Variants in BORA observed in about 807,000 individuals in gnomAD.
BORA encodes the protein BORA aurora kinase A activator, also known as protein aurora borealis.
A neutral mutation model predicts 55.8 loss-of-function variants in BORA; 26 were observed. The ratio of observed to expected loss-of-function variants is 0.47; its 90% confidence interval spans 0.34 to 0.65. The LOEUF (loss-of-function observed/expected upper bound fraction) is 0.65. BORA is among the 30% of genes least tolerant of loss of function. The pLI is 0.01. For missense variants in BORA, 568 were observed against 671.5 expected (o/e 0.85, Z 1.70); for synonymous variants, 201 against 216.9 (o/e 0.93, Z 0.64).
chr13:72,755,095 C>A, intron 11 of BORA, 56 bp from the exon 12 acceptor site: 1 of 1,455,674 alleles, frequency 6.9e-7, no homozygotes, highest in Non-Finnish European at 9.6e-7. Flanking sequence ...CCGATAATTG[C>A]ATCCTCCAGT....
At chr13:72,744,675 T>C (rs2033105872) in intron 7 of BORA, 114 bp downstream of exon 7, 1 of 778,776 alleles carries the variant, frequency 1.3e-6, no homozygotes, top group South Asian at 1.8e-5. Context: ...TCTAAAGAAG[T>C]GGGGAAACTG....
chr13:72,748,742 CTCTCTCTCTCTCTCTCTT>C (rs1005923038), intron 10 of BORA, among the ~76,000 whole-genome samples: 24 of 41,394 alleles, frequency 5.8e-4, no homozygotes, highest in Admixed American at 3.1e-3. Flanking sequence ...CTCTCTCTCT[CTCTCTCTCTCTCTCTCTT>C]TTTTATATAG....
Position 72,746,873 on chromosome 13 carries a change from A to G in BORA, c.1244A>G (p.Glu415Gly), listed in dbSNP as rs745647909. The change falls in exon 10 of 12, where the codon GAG becomes GGG. Residue 415 changes from glutamate to glycine, a missense_variant. By Grantham distance (98) the Glu-to-Gly change is moderately conservative. Transcript: ENST00000390667. ...SVTQNQSSAS[E>G]KELALLQDVE... is the part of the protein sequence containing the mutation. ...ACACAAAATCAGTCCAGTGCTTCTGAGAAAGAATTAGCACTGTTGCAGGAT... is the reference window on the plus strand; with the variant it reads ...ACACAAAATCAGTCCAGTGCTTCTGGGAAAGAATTAGCACTGTTGCAGGAT... 1.2e-6 allele frequency: 2 copies of G among 1,614,150 alleles called. No homozygotes were observed. Among genetic ancestry groups the G allele is most frequent in the African/African-American group, 2.7e-5 (2 of 75,042 alleles).
Position 72,740,853 on chromosome 13 carries a change from C to T in BORA, c.389-2684C>T, listed in dbSNP as rs535008966. On this transcript the variant is annotated intron_variant, in intron 5 of 11. Coordinates refer to ENST00000390667, the MANE Select transcript of BORA (RefSeq NM_024808.5). The stretch of plus-strand genomic sequence containing the variant: ...TAGGTTTGAATTGTACCCAGTAAAG[C>T]TCACTAGCTGTGTGACTTTAGATGA... Among the ~76,000 whole-genome samples the T allele has an allele frequency of 2.6e-5, 4 of 152,326 alleles. No individual in the cohort carries two copies. The East Asian group carries it at 7.7e-4, about 29-fold the overall frequency.
At chr13:72,742,781 C>T (rs879714395) in intron 5 of BORA, among the ~76,000 whole-genome samples, 4,155 of 98,318 alleles carry the variant, frequency 0.042, 87 homozygotes, top group Non-Finnish European at 0.052. Flanking sequence ...CACACACACA[C>T]ACACACACAC....
intron 8 of BORA, 64 bp downstream of exon 8, chr13:72,745,271 T>C: frequency 1.4e-6 from 2 of 1,382,934 alleles, no homozygotes; most frequent in Non-Finnish European, 1.0e-6. Context: ...CATTTTGTTG[T>C]TGTTCTATCT....
intron 8 of BORA, 96 bp downstream of exon 8, chr13:72,745,303 C>G (rs2033118716): frequency 9.7e-7 from 1 of 1,032,178 alleles, no homozygotes. Flanking sequence ...CAGCCTGAAG[C>G]CATGGTTGCT....
chr13:72,738,966 G>A (rs1320947933), intron 5 of BORA, among the ~76,000 whole-genome samples: 1 of 152,198 alleles, frequency 6.6e-6, no homozygotes, highest in Non-Finnish European at 1.5e-5. Context: ...ATCAGATGCT[G>A]TATTCTTAGC....
intron 10 of BORA, 88 bp from the exon 11 acceptor site, chr13:72,753,602 G>A: frequency 1.5e-6 from 2 of 1,299,282 alleles, no homozygotes; most frequent in Non-Finnish European, 2.1e-6. Context: ...TTCAGATGTA[G>A]TGAATGAGAG....
rs1299706363 is a variant in BORA at position 72,746,185 on chromosome 13, CCTT to C, written c.871+112_871+114del. The C allele has an allele frequency of 1.2e-5, 13 of 1,051,218 alleles. No individual in the cohort carries two copies. In the South Asian group the frequency reaches 1.3e-4, roughly 11 times the overall value. 65.1% of individuals were successfully genotyped at this position (1,051,218 alleles called of 1,614,324 possible). A position where few individuals can be genotyped will look rare whatever the true frequency, so the allele number is the denominator to read the frequency against. ...TGATAGAGCTCAAAATGATCACTAA[CCTT>C]CTAACATTTAGGAACTTTGATTTTT... is the stretch of plus-strand genomic sequence containing the variant. On this transcript the variant is annotated intron_variant, in intron 9 of 11. Transcript: ENST00000390667.
At chr13:72,734,608 A>G (rs1379166061) in intron 3 of BORA, among the ~76,000 whole-genome samples, 1 of 152,216 alleles carries the variant, frequency 6.6e-6, no homozygotes, top group African/African-American at 2.4e-5. Flanking sequence ...GACAATTTTT[A>G]GATGTATGTT....
chr13:72,745,267 G>A lies in BORA; in HGVS notation c.738+60G>A, dbSNP rs915764300. The A allele has an allele frequency of 8.5e-6, 12 of 1,418,974 alleles. No homozygotes were observed. The African/African-American group carries it at 1.3e-4, about 15-fold the overall frequency. The allele number at this position is 1,418,974 out of a possible 1,614,324, so 87.9% of individuals were successfully genotyped here. A position where few individuals can be genotyped will look rare whatever the true frequency, so the allele number is the denominator to read the frequency against. ...GCTGTCAAGCTTGAACCCACATTTTGTTGTTGTTCTATCTTAGGCTTTCAG... is the reference window on the plus strand; with the variant it reads ...GCTGTCAAGCTTGAACCCACATTTTATTGTTGTTCTATCTTAGGCTTTCAG... On this transcript the variant is annotated intron_variant, in intron 8 of 11. Transcript: ENST00000390667.
Position 72,755,845 on chromosome 13 carries a change from A to G in BORA, c.*629A>G. ...GACATCATCACGTGTATTGTTATCT[A>G]TGGGGCAAATGTGTGGTGCCCAGAA... On this transcript the variant is annotated 3_prime_UTR_variant, in exon 12 of 12. Transcript: ENST00000390667. 1 of 398,598 alleles carries G rather than the reference A, an allele frequency of 2.5e-6. No individual in the cohort carries two copies. Among genetic ancestry groups the G allele is most frequent in the Non-Finnish European group, 4.4e-6 (1 of 226,068 alleles). 24.7% of individuals were successfully genotyped at this position (398,598 alleles called of 1,614,324 possible).
At chr13:72,728,349 A>G in intron 1 of BORA, 1 of 601,744 alleles carries the variant, frequency 1.7e-6, no homozygotes, top group Non-Finnish European at 3.0e-6. Flanking sequence ...TGGCGAAAGG[A>G]GGATTTTTGG....
chr13:72,750,165 A>C (rs1466806342), intron 10 of BORA, among the ~76,000 whole-genome samples: 1 of 152,220 alleles, frequency 6.6e-6, no homozygotes, highest in Non-Finnish European at 1.5e-5. Context: ...GACTGAAAAG[A>C]ACCAGCCAAA....
chr13:72,747,152 T>G (rs778807993), intron 10 of BORA, 41 bp downstream of exon 10: 34 of 1,585,384 alleles, frequency 2.1e-5, no homozygotes, highest in Middle Eastern at 2.3e-4. Flanking sequence ...CTCACTGCCT[T>G]GGTGTTCTTT....
At chr13:72,745,503 C>T (rs981274495) in intron 8 of BORA, among the ~76,000 whole-genome samples, 8 of 152,074 alleles carry the variant, frequency 5.3e-5, no homozygotes, top group African/African-American at 1.7e-4. Flanking sequence ...AACTCTAGTT[C>T]GTATGTTATC....
At chr13:72,729,119 C>A in intron 2 of BORA, 26 bp downstream of exon 2, 1 of 1,472,822 alleles carries the variant, frequency 6.8e-7, no homozygotes, top group South Asian at 1.3e-5. Context: ...CTAGTGTTTA[C>A]AACTAATTTT....
At chr13:72,745,857 GT>G (rs1385607264) in intron 8 of BORA, 86 bp from the exon 9 acceptor site, 8 of 1,214,374 alleles carry the variant, frequency 6.6e-6, no homozygotes, top group Non-Finnish European at 9.1e-6. Flanking sequence ...TTATAAGTGT[GT>G]TTTGAAGACC....
Sources: gnomAD v4.1 joint callset for allele counts (sites outside exome capture counted in the v4.1 genomes callset) on GRCh38, gnomAD v4.1.1 for gene constraint, MANE v1.5 for transcripts, NCBI Gene and HGNC (gene_info 2026-07-23, HGNC 2026-07-21) for gene names.